OAS3: variants seen among roughly 807,000 people sequenced by gnomAD.
The protein encoded by OAS3 is 2'-5'-oligoadenylate synthase 3.
OAS3 carries 107 observed loss-of-function variants against 113.0 expected under a neutral mutation model. That is an observed-to-expected ratio of 0.95 (90% CI 0.81 to 1.11). OAS3 has a LOEUF of 1.11. Among genes scored for constraint, OAS3 ranks in the 50% most tolerant of loss-of-function variants. OAS3 has a pLI of 0.00. For synonymous variants in OAS3, 552 were observed against 573.6 expected (o/e 0.96, Z 0.54); for missense variants, 1,258 against 1,389.1 (o/e 0.91, Z 1.50).
In OAS3 at chr12:112,963,376, G is replaced by A; in HGVS notation, c.2148G>A (p.Leu716=). Residue 716 remains leucine (L), a synonymous_variant, in exon 10 of 16, where the codon TTG becomes TTA. Coordinates refer to ENST00000228928, the MANE Select transcript of OAS3 (RefSeq NM_006187.4). The surrounding 1 kb of genome is among the most constrained non-coding windows in gnomAD (Gnocchi z 4.6). ...WNVGHGSWEL[L]AQEAAALGMQ... ...TGGGCCACGGTAGCTGGGAGCTGTT[G>A]GCCCAGGAAGCAGCAGCGCTGGGGA... 6.4e-7 allele frequency: 1 copy of A among 1,556,092 alleles called. No homozygotes were observed. The highest frequency in any genetic ancestry group is 8.7e-7 in the Non-Finnish European group (1 of 1,149,366).
chr12:112,946,898 C>A lies in OAS3; in HGVS notation c.792C>A (p.His264Gln), dbSNP rs200894876. 5.4e-4 allele frequency: 864 copies of A among 1,614,038 alleles called. 3 individuals carry two copies. In the African/African-American group the frequency reaches 0.01, roughly 20 times the overall value. Residue 264 changes from histidine (H) to glutamine (Q), a missense_variant, in exon 4 of 16, where the codon CAC (histidine) becomes CAA (glutamine). Physicochemically the swap from His to Gln is conservative, Grantham distance 24. Coordinates refer to ENST00000228928, the MANE Select transcript of OAS3 (RefSeq NM_006187.4). The stretch of plus-strand genomic sequence containing the variant: ...TGGGCCTGATCCAACAGCATCAGCA[C>A]CTGTGTGTTTTCTGGACTGTCAACT... ...TVLGLIQQHQ[H>Q]LCVFWTVNYG...
In OAS3 at chr12:112,972,923, A is replaced by T. The variant is rs1367075358; in HGVS notation, c.*2950A>T. 2 of 137,440 alleles carry T rather than the reference A, an allele frequency of 1.5e-5. No homozygotes were observed. The highest frequency in any genetic ancestry group is 4.0e-4 in the East Asian group (2 of 4,994). The allele number at this position is 137,440 out of a possible 1,614,324, so 8.5% of individuals were successfully genotyped here. ...GTGTGTGTGTGTGTGTTTAATTTTT[A>T]AAAAGTTTTTATTGAGATACAAGTC... is the stretch of plus-strand genomic sequence containing the variant. On this transcript the variant is annotated 3_prime_UTR_variant, in exon 16 of 16. Transcript: ENST00000228928.
rs1279418935 is a variant in OAS3, at chr12:112,941,701, A to T, written c.309A>T (p.Ala103=). The T allele has an allele frequency of 6.2e-7, 1 of 1,613,946 alleles. No homozygotes were observed. The highest frequency in any genetic ancestry group is 8.5e-7 in the Non-Finnish European group (1 of 1,179,898). ...RRAEILSEMR[A]SLESWWQNPV... is the part of the protein sequence containing the mutation. Reference sequence around the variant, plus strand: ...CAGAGATCCTCAGTGAGATGCGGGCATCGCTGGAATCCTGGTGGCAGAACC... The same window carrying T: ...CAGAGATCCTCAGTGAGATGCGGGCTTCGCTGGAATCCTGGTGGCAGAACC... Residue 103 remains alanine, a synonymous_variant, in exon 2 of 16, where the codon GCA becomes GCT. Coordinates refer to ENST00000228928, the MANE Select transcript of OAS3 (RefSeq NM_006187.4).
Position 112,954,106 on chromosome 12 carries a change from G to A in OAS3, c.1657+3131G>A, listed in dbSNP as rs949410630. On this transcript the variant is annotated intron_variant, in intron 7 of 15. Coordinates refer to ENST00000228928, the MANE Select transcript of OAS3 (RefSeq NM_006187.4). The surrounding 1 kb of genome is among the most constrained non-coding windows in gnomAD (Gnocchi z 4.0). ...TGGTATTGCCTAGGTTTTCTTCTAG[G>A]GTTTTTATGGTTTTAGGTCTAAGAT... Among the ~76,000 whole-genome samples the A allele has an allele frequency of 2.0e-5, 3 of 152,046 alleles. No homozygotes were observed. The highest frequency in any genetic ancestry group is 2.9e-5 in the Non-Finnish European group (2 of 68,014).
At chr12:112,956,951 A>G (rs1226189618) in intron 7 of OAS3, among the ~76,000 whole-genome samples, 1 of 152,162 alleles carries the variant, frequency 6.6e-6, no homozygotes, top group Admixed American at 6.5e-5. Flanking sequence ...ACAGTCTCCC[A>G]TTATTATTGT....
chr12:112,945,375 T>G (rs1167796607), intron 3 of OAS3: 1 of 154,506 alleles, frequency 6.5e-6, no homozygotes, highest in Non-Finnish European at 1.4e-5. Flanking sequence ...AAATGACTCT[T>G]TCATATTTCC....
At chr12:112,969,494 C>G in intron 14 of OAS3, 114 bp from the exon 15 acceptor site, 2 of 1,281,182 alleles carry the variant, frequency 1.6e-6, no homozygotes, top group Middle Eastern at 1.9e-4. Flanking sequence ...TCTCTGAGCC[C>G]TGGCTCTAGC....
At chr12:112,938,745 G>GCAAA (rs397734704) in intron 1 of OAS3, 38 bp downstream of exon 1, 6 of 1,450,662 alleles carry the variant, frequency 4.1e-6, no homozygotes, top group South Asian at 1.4e-5. Flanking sequence ...TGTCCAAAGG[G>GCAAA]GAGTCCTGGG....
rs71445586 is a variant in OAS3 at position 112,954,281 on chromosome 12, T to TTTGTTG, written c.1657+3327_1657+3332dup. 2.5e-4 allele frequency among the ~76,000 whole-genome samples: 38 copies of TTTGTTG among 151,518 alleles called. No individual in the cohort carries two copies. The South Asian group carries it at 5.0e-3, about 20-fold the overall frequency. ...CATTTCTTGTTTGTCTGTTTGTTTG[T>TTTGTTG]TTGTTGTTGTTGTTGTTGTTGTTGT... On this transcript the variant is annotated intron_variant, in intron 7 of 15. Transcript: ENST00000228928. This position sits in a 1 kb window ranked among gnomAD's most constrained non-coding sequence, Gnocchi z 4.0.
At position 112,938,489 on chromosome 12, in the gene OAS3, G is replaced by A. The variant is rs1380282800; in HGVS notation, c.-42G>A. On this transcript the variant is annotated 5_prime_UTR_variant, in exon 1 of 16. Transcript: ENST00000228928. ...AAACGAAACCAGAAATCCGAAGGCC[G>A]CGCCAGAGCCCTGCTTCCCCTTGCA... is the stretch of plus-strand genomic sequence containing the variant. 3.3e-6 allele frequency: 5 copies of A among 1,498,110 alleles called. No individual in the cohort carries two copies. In the East Asian group the frequency reaches 7.8e-5, roughly 23 times the overall value. 92.8% of individuals were successfully genotyped at this position (1,498,110 alleles called of 1,614,324 possible).
At chr12:112,958,630 G>C (rs1349433507) in intron 7 of OAS3, among the ~76,000 whole-genome samples, 1 of 152,250 alleles carries the variant, frequency 6.6e-6, no homozygotes, top group Non-Finnish European at 1.5e-5. Flanking sequence ...TGTTTGCCTG[G>C]ATATCACCAG....
chr12:112,958,495 G>A (rs1354402166), intron 7 of OAS3, among the ~76,000 whole-genome samples: 2 of 152,228 alleles, frequency 1.3e-5, no homozygotes, highest in African/African-American at 4.8e-5. Context: ...TTTGGTCTTT[G>A]ATGATGGTGA....
chr12:112,965,214 A>G (rs2043923163), intron 11 of OAS3, among the ~76,000 whole-genome samples: 1 of 152,242 alleles, frequency 6.6e-6, no homozygotes, highest in Non-Finnish European at 1.5e-5. Flanking sequence ...CTGTGTGACC[A>G]TAGGCATGTA....
At chr12:112,951,608 T>C (rs2043792911) in intron 7 of OAS3, among the ~76,000 whole-genome samples, 1 of 152,198 alleles carries the variant, frequency 6.6e-6, no homozygotes, top group Non-Finnish European at 1.5e-5. Context: ...TTACTTATTA[T>C]GTTTTTTAAA....
intron 2 of OAS3, among the ~76,000 whole-genome samples, chr12:112,943,745 G>A (rs748170621): frequency 4.1e-4 from 63 of 152,058 alleles, no homozygotes; most frequent in Non-Finnish European, 4.4e-4. Flanking sequence ...ACAGAGTTTC[G>A]CTCTGTCCCC....
intron 14 of OAS3, chr12:112,969,401 T>C (rs948053296): frequency 8.2e-6 from 5 of 611,168 alleles, no homozygotes; most frequent in Non-Finnish European, 1.5e-5. Context: ...ATTAGTAATG[T>C]TTGCCTGAAT....
At chr12:112,967,373 A>G (rs1352757713) in intron 12 of OAS3, 45 bp from the exon 13 acceptor site, 1 of 1,560,100 alleles carries the variant, frequency 6.4e-7, no homozygotes, top group Admixed American at 1.8e-5. Flanking sequence ...CCCCACTGGG[A>G]CAACATGGGA....
In OAS3 at chr12:112,972,110, G is replaced by A. The variant is rs1565984778; in HGVS notation, c.*2137G>A. ...GCATCACAAGCCAGTGATGCTCCTGGGAAGACCAGGTGGCAGGTCGCAGTT... is the reference window on the plus strand; with the variant it reads ...GCATCACAAGCCAGTGATGCTCCTGAGAAGACCAGGTGGCAGGTCGCAGTT... On this transcript the variant is annotated 3_prime_UTR_variant, in exon 16 of 16. Transcript: ENST00000228928. 1 of 152,246 alleles carries A rather than the reference G, an allele frequency of 6.6e-6. No homozygotes were observed. Among genetic ancestry groups the A allele is most frequent in the Non-Finnish European group, 1.5e-5 (1 of 68,060 alleles). The allele number at this position is 152,246 out of a possible 1,614,324, so 9.4% of individuals were successfully genotyped here.
In OAS3 at chr12:112,946,832, G is replaced by A. The variant is rs1460422604; in HGVS notation, c.726G>A (p.Lys242=). The part of the protein sequence containing the change: ...LTIFAWEQGC[K]KDAFSLAEGL... Reference sequence around the variant, plus strand: ...TCTTCGCCTGGGAGCAGGGCTGTAAGAAGGATGCTTTCAGCCTAGCCGAAG... The same window carrying A: ...TCTTCGCCTGGGAGCAGGGCTGTAAAAAGGATGCTTTCAGCCTAGCCGAAG... The change falls in exon 4 of 16, where the codon AAG becomes AAA. Residue 242 remains lysine, a synonymous_variant. Transcript: ENST00000228928. The A allele has an allele frequency of 6.2e-7, 1 of 1,613,892 alleles. No individual in the cohort carries two copies. Among genetic ancestry groups the A allele is most frequent in the Non-Finnish European group, 8.5e-7 (1 of 1,179,852 alleles).
Sources: gnomAD v4.1 joint callset for allele counts (sites outside exome capture counted in the v4.1 genomes callset) on GRCh38, gnomAD v4.1.1 for gene constraint, Gnocchi (gnomAD v3.1) non-coding constraint, MANE v1.5 for transcripts, NCBI Gene and HGNC (gene_info 2026-07-23, HGNC 2026-07-21) for gene names.